Variants in NCAPG2 observed in about 807,000 individuals in gnomAD.
NCAPG2 encodes the protein non-SMC condensin II complex subunit G2, also known as condensin-2 complex subunit G2.
Under a neutral mutation model 141.1 loss-of-function variants are expected in NCAPG2, and 53 were observed. The observed-to-expected ratio is 0.38, with a 90% confidence interval of 0.30 to 0.47. The LOEUF (loss-of-function observed/expected upper bound fraction) is 0.47. NCAPG2 is among the 20% of genes least tolerant of loss of function. NCAPG2 has a pLI of 0.99. For missense variants in NCAPG2, 1,087 were observed against 1,389.0 expected (o/e 0.78, Z 3.46); for synonymous variants, 499 against 490.7 (o/e 1.02, Z -0.22).
Position 158,650,845 on chromosome 7 carries a change from T to C in NCAPG2, c.3062A>G (p.His1021Arg). The stretch of plus-strand genomic sequence containing the variant: ...AAAGCACTTCACCTTCCGTAGCTGG[T>C]GACTTATCTCAACCACAGGCCCAGC... ...LIAGPVVEIS[H>R]QLRKVSDVEE... is the part of the protein sequence containing the mutation. Residue 1021 changes from histidine to arginine, a missense_variant, in exon 24 of 28, where the codon CAC (histidine) becomes CGC (arginine). By Grantham distance (29) the His-to-Arg change is conservative. Coordinates refer to ENST00000356309, the MANE Select transcript of NCAPG2 (RefSeq NM_017760.7). 6.2e-7 allele frequency: 1 copy of C among 1,611,776 alleles called. No homozygotes were observed. The highest frequency in any genetic ancestry group is 8.5e-7 in the Non-Finnish European group (1 of 1,179,378).
chr7:158,647,806 C>T (rs979032539), intron 24 of NCAPG2, among the ~76,000 whole-genome samples: 1 of 151,966 alleles, frequency 6.6e-6, no homozygotes, highest in Non-Finnish European at 1.5e-5. Flanking sequence ...CTCAGTCTCC[C>T]GAGCAGCCAA....
At chr7:158,666,184 G>A (rs1443678192) in intron 13 of NCAPG2, among the ~76,000 whole-genome samples, 3 of 152,156 alleles carry the variant, frequency 2.0e-5, no homozygotes, top group Non-Finnish European at 2.9e-5. Flanking sequence ...GGTTTAAGAG[G>A]ACAAGAAAGA....
intron 12 of NCAPG2, among the ~76,000 whole-genome samples, 170 bp from the exon 13 acceptor site, chr7:158,671,836 G>C (rs1209248379): frequency 2.6e-5 from 4 of 152,062 alleles, no homozygotes; most frequent in African/African-American, 9.7e-5. Context: ...TCATATAAAA[G>C]GCATACTTTT....
intron 13 of NCAPG2, 66 bp downstream of exon 13, chr7:158,671,444 ACTTT>A: frequency 7.7e-6 from 12 of 1,564,102 alleles, no homozygotes; most frequent in East Asian, 4.5e-5. Context: ...AATTAAAACT[ACTTT>A]CTTTCTGTTT....
intron 6 of NCAPG2, among the ~76,000 whole-genome samples, chr7:158,688,982 C>T (rs1466609411): frequency 6.6e-6 from 1 of 152,122 alleles, no homozygotes; most frequent in Non-Finnish European, 1.5e-5. Flanking sequence ...CAGAGATGTG[C>T]CTGCTGAGCC....
intron 19 of NCAPG2, among the ~76,000 whole-genome samples, chr7:158,655,738 A>AGC (rs1831905338): frequency 2.0e-5 from 3 of 152,382 alleles, no homozygotes; most frequent in Admixed American, 6.5e-5. Context: ...CGTCCTCCCC[A>AGC]TCTGCCTGGC....
intron 22 of NCAPG2, among the ~76,000 whole-genome samples, chr7:158,654,309 C>A (rs1056794444): frequency 6.6e-6 from 1 of 152,176 alleles, no homozygotes; most frequent in African/African-American, 2.4e-5. Context: ...CAGGAAATAG[C>A]CACTAGCCCA....
chr7:158,647,118 T>A (rs1176402204), intron 24 of NCAPG2, among the ~76,000 whole-genome samples: 2 of 152,184 alleles, frequency 1.3e-5, no homozygotes, highest in African/African-American at 4.8e-5. Flanking sequence ...AAGTCTTTCA[T>A]CAAAAAGTCT....
At chr7:158,670,776 G>A (rs1014560572) in intron 13 of NCAPG2, among the ~76,000 whole-genome samples, 5 of 151,946 alleles carry the variant, frequency 3.3e-5, no homozygotes, top group African/African-American at 7.3e-5. Flanking sequence ...ATGGCCACAC[G>A]GCACCACTTC....
intron 13 of NCAPG2, among the ~76,000 whole-genome samples, chr7:158,669,138 T>C (rs1437076576): frequency 1.3e-5 from 2 of 152,234 alleles, no homozygotes; most frequent in African/African-American, 2.4e-5. Flanking sequence ...CCATAGTATA[T>C]ATGTACCACA....
intron 27 of NCAPG2, among the ~76,000 whole-genome samples, chr7:158,642,289 G>A (rs748930017): frequency 2.0e-5 from 3 of 152,206 alleles, no homozygotes; most frequent in Non-Finnish European, 4.4e-5. Context: ...GGTAATCTCA[G>A]AACGTTAGGA....
chr7:158,663,942 T>C (rs910643345), intron 15 of NCAPG2, among the ~76,000 whole-genome samples: 6 of 152,216 alleles, frequency 3.9e-5, no homozygotes, highest in African/African-American at 1.4e-4. Flanking sequence ...AAAGAAAATC[T>C]GGGACAAGAT....
intron 12 of NCAPG2, among the ~76,000 whole-genome samples, chr7:158,675,264 T>TA (rs1833982910): frequency 6.6e-6 from 1 of 152,212 alleles, no homozygotes; most frequent in Non-Finnish European, 1.5e-5. Flanking sequence ...CTTCCCCCCT[T>TA]ACACTAAAAA....
chr7:158,674,706 GTC>G lies in NCAPG2; in HGVS notation c.1326+769_1326+770del, dbSNP rs1437971312. ...GAGGCCCAAGAGCTGCTCTGAAAAT[GTC>G]TGTTTTGCACCTGAGAGAAGAGGAA... On this transcript the variant is annotated intron_variant, in intron 12 of 27. Coordinates refer to ENST00000356309, the MANE Select transcript of NCAPG2 (RefSeq NM_017760.7). Among the ~76,000 whole-genome samples, 21 of 152,372 alleles carry G rather than the reference GTC, an allele frequency of 1.4e-4. 1 individual carries two copies. The highest frequency in any genetic ancestry group is 4.6e-4 in the African/African-American group (19 of 41,596).
Position 158,631,381 on chromosome 7 carries a change from A to C in NCAPG2, c.*285T>G. ...ATATATAAAAGTCATTTTAAAAACAACCAGGTTTGCTAGAAAAGTGTTTTT... is the reference window on the plus strand; with the variant it reads ...ATATATAAAAGTCATTTTAAAAACACCCAGGTTTGCTAGAAAAGTGTTTTT... On this transcript the variant is annotated 3_prime_UTR_variant, in exon 28 of 28. Coordinates refer to ENST00000356309, the MANE Select transcript of NCAPG2 (RefSeq NM_017760.7). 2.5e-6 allele frequency: 1 copy of C among 402,554 alleles called. No individual in the cohort carries two copies. The highest frequency in any genetic ancestry group is 2.1e-5 in the African/African-American group (1 of 47,618). 24.9% of individuals were successfully genotyped at this position (402,554 alleles called of 1,614,324 possible). A position where few individuals can be genotyped will look rare whatever the true frequency, so the allele number is the denominator to read the frequency against.
At chr7:158,677,341 A>G (rs1273774888) in intron 11 of NCAPG2, among the ~76,000 whole-genome samples, 1 of 152,016 alleles carries the variant, frequency 6.6e-6, no homozygotes, top group African/African-American at 2.4e-5. Context: ...AAACTAAGGG[A>G]AGTCCTCCTG....
At chr7:158,655,666 G>A (rs559419025) in intron 19 of NCAPG2, among the ~76,000 whole-genome samples, 16 of 67,678 alleles carry the variant, frequency 2.4e-4, no homozygotes, top group Admixed American at 8.2e-4. Flanking sequence ...TCAGCTCACC[G>A]TCCACAGCCC....
At chr7:158,673,100 G>C (rs1378311763) in intron 12 of NCAPG2, among the ~76,000 whole-genome samples, 2 of 152,214 alleles carry the variant, frequency 1.3e-5, no homozygotes, top group African/African-American at 4.8e-5. Context: ...GACAGCAACA[G>C]GAAGGAGCAG....
intron 12 of NCAPG2, 129 bp downstream of exon 12, chr7:158,675,348 A>G: frequency 9.7e-7 from 1 of 1,034,166 alleles, no homozygotes; most frequent in African/African-American, 1.7e-5. Flanking sequence ...TACTTTGGAT[A>G]TATGACAGGT....
Sources: gnomAD v4.1 joint callset for allele counts (sites outside exome capture counted in the v4.1 genomes callset) on GRCh38, gnomAD v4.1.1 for gene constraint, MANE v1.5 for transcripts, NCBI Gene and HGNC (gene_info 2026-07-23, HGNC 2026-07-21) for gene names.